Variants in GTF2F2 observed in about 807,000 individuals in gnomAD.
GTF2F2 encodes the protein ATP-dependent helicase GTF2F2.
GTF2F2 carries 23 observed loss-of-function variants against 42.2 expected under a neutral mutation model. The ratio of observed to expected loss-of-function variants is 0.55; its 90% CI spans 0.39 to 0.77. GTF2F2 has a LOEUF of 0.77. Among genes scored for constraint, GTF2F2 ranks in the 30% least tolerant of loss-of-function variants. The pLI is 0.00. For synonymous variants in GTF2F2, 105 were observed against 100.8 expected, an observed-to-expected ratio of 1.04 and a Z score of -0.25; for missense variants, 261 against 287.2, an observed-to-expected ratio of 0.91 and a Z score of 0.66.
At chr13:45,272,480 C>T (rs561807254) in intron 7 of GTF2F2, among the ~76,000 whole-genome samples, 28 of 144,186 alleles carry the variant, frequency 1.9e-4, no homozygotes, top group African/African-American at 3.9e-4. Flanking sequence ...GAGTGGTTCA[C>T]GTGAGTAATC....
At chr13:45,182,487 C>A (rs1190837757) in intron 4 of GTF2F2, among the ~76,000 whole-genome samples, 1 of 152,088 alleles carries the variant, frequency 6.6e-6, no homozygotes, top group Admixed American at 6.5e-5. Flanking sequence ...TTTAAAATTG[C>A]TTGGTACTGT....
At chr13:45,265,788 G>T (rs1876537185) in intron 6 of GTF2F2, among the ~76,000 whole-genome samples, 1 of 152,070 alleles carries the variant, frequency 6.6e-6, no homozygotes, top group African/African-American at 2.4e-5. Context: ...GCTATTTGTG[G>T]AATAATTTAT....
chr13:45,131,920 A>AAAAAAAAG (rs1555263585), intron 1 of GTF2F2, among the ~76,000 whole-genome samples: 1 of 146,208 alleles, frequency 6.8e-6, no homozygotes, highest in Admixed American at 7.3e-5. Context: ...AAAAAAAAAA[A>AAAAAAAAG]AGAGAGAGAG....
intron 2 of GTF2F2, among the ~76,000 whole-genome samples, chr13:45,141,774 T>TA (rs1869939216): frequency 6.6e-6 from 1 of 152,180 alleles, no homozygotes; most frequent in South Asian, 2.1e-4. Context: ...TGGCCATGGG[T>TA]AACTGCTTGG....
At position 45,249,002 on chromosome 13, in the gene GTF2F2, T is replaced by C. The variant is rs116768167; in HGVS notation, c.387-3869T>C. Among the ~76,000 whole-genome samples the C allele has an allele frequency of 6.0e-3, 914 of 152,322 alleles. 11 individuals are homozygous for C. The highest frequency in any genetic ancestry group is 0.021 in the African/African-American group (881 of 41,574). On this transcript the variant is annotated intron_variant, in intron 5 of 7. Coordinates refer to ENST00000340473, the MANE Select transcript of GTF2F2 (RefSeq NM_004128.3). ...TAGTTTGTTTGGAAATATGTGGTGC[T>C]TTACGAACCACATATTTCCAAATTA...
intron 5 of GTF2F2, among the ~76,000 whole-genome samples, chr13:45,234,961 C>T (rs900550044): frequency 1.4e-4 from 20 of 147,260 alleles, no homozygotes; most frequent in African/African-American, 4.0e-4. Context: ...GGGAGAATCG[C>T]CTGAACCCAG....
At chr13:45,231,316 C>A (rs1874669830) in intron 5 of GTF2F2, among the ~76,000 whole-genome samples, 1 of 152,122 alleles carries the variant, frequency 6.6e-6, no homozygotes, top group Non-Finnish European at 1.5e-5. Context: ...CCATATTGGC[C>A]AGGCTGGTCT....
chr13:45,252,833 A>G, intron 5 of GTF2F2, 38 bp from the exon 6 acceptor site: 1 of 816,840 alleles, frequency 1.2e-6, no homozygotes, highest in South Asian at 1.7e-5. Flanking sequence ...TCACTCTGCT[A>G]AACAAGAGTG....
intron 5 of GTF2F2, among the ~76,000 whole-genome samples, chr13:45,245,347 A>G (rs1875532176): frequency 6.6e-6 from 1 of 151,566 alleles, no homozygotes; most frequent in African/African-American, 2.4e-5. Flanking sequence ...GTGTTTGGTT[A>G]CATGTATAAT....
At chr13:45,269,365 A>G (rs1010240189) in intron 7 of GTF2F2, among the ~76,000 whole-genome samples, 1 of 152,214 alleles carries the variant, frequency 6.6e-6, no homozygotes, top group Non-Finnish European at 1.5e-5. Context: ...GCCAGTGCCA[A>G]GAAAGTGTGG....
intron 4 of GTF2F2, among the ~76,000 whole-genome samples, chr13:45,173,696 C>T (rs1051367869): frequency 6.9e-6 from 1 of 145,462 alleles, no homozygotes; most frequent in Non-Finnish European, 1.5e-5. Flanking sequence ...TGGCTCACTG[C>T]AAGCTCCGCC....
intron 6 of GTF2F2, among the ~76,000 whole-genome samples, chr13:45,255,333 A>G (rs1298457557): frequency 6.6e-6 from 1 of 152,210 alleles, no homozygotes; most frequent in Non-Finnish European, 1.5e-5. Flanking sequence ...GAGTGGAACA[A>G]TGAAATTTAA....
chr13:45,210,097 T>C (rs549395890), intron 5 of GTF2F2, among the ~76,000 whole-genome samples: 5 of 152,222 alleles, frequency 3.3e-5, no homozygotes, highest in Non-Finnish European at 7.3e-5. Context: ...GAAGTTCTTT[T>C]AAAATCTAAG....
At chr13:45,223,001 G>A (rs1020293065) in intron 5 of GTF2F2, among the ~76,000 whole-genome samples, 1 of 152,122 alleles carries the variant, frequency 6.6e-6, no homozygotes, top group African/African-American at 2.4e-5. Flanking sequence ...AAAAGTCATA[G>A]TGCAGTATTC....
chr13:45,235,041 CAAAAAAAA>C lies in GTF2F2; in HGVS notation c.387-17807_387-17800del, dbSNP rs61077504. ...GCCTGGGCAACAAGAGCGGGAAACT[CAAAAAAAA>C]AAAAAAAAAAAAAAAAAAAAAAGGT... On this transcript the variant is annotated intron_variant, in intron 5 of 7. Transcript: ENST00000340473. Among the ~76,000 whole-genome samples, 6 of 43,718 alleles carry C rather than the reference CAAAAAAAA, an allele frequency of 1.4e-4. No individual in the cohort carries two copies. The Middle Eastern group carries it at 0.088, about 643-fold the overall frequency. 28.7% of individuals were successfully genotyped at this position (43,718 alleles called of 152,430 possible).
At chr13:45,205,740 G>T (rs754125791) in intron 4 of GTF2F2, among the ~76,000 whole-genome samples, 1 of 152,024 alleles carries the variant, frequency 6.6e-6, no homozygotes, top group Non-Finnish European at 1.5e-5. Flanking sequence ...GCATGGTCTC[G>T]ATCTCCTGAC....
At chr13:45,142,795 A>G (rs1869995336) in intron 2 of GTF2F2, among the ~76,000 whole-genome samples, 1 of 152,226 alleles carries the variant, frequency 6.6e-6, no homozygotes, top group Non-Finnish European at 1.5e-5. Context: ...TGAATTAACT[A>G]AATTCACTGT....
chr13:45,189,393 T>C (rs1278852812), intron 4 of GTF2F2, among the ~76,000 whole-genome samples: 2 of 152,216 alleles, frequency 1.3e-5, no homozygotes, highest in African/African-American at 4.8e-5. Flanking sequence ...AGCAGCATGA[T>C]TTATAATCCT....
In GTF2F2 at chr13:45,238,480, G is replaced by C. The variant is rs1593510457; in HGVS notation, c.387-14391G>C. ...GTGATTAACAGGAAAAGCATTAGCA[G>C]TAAGTTTCTTCTATCACATGCTGTC... On this transcript the variant is annotated intron_variant, in intron 5 of 7. Transcript: ENST00000340473. Among the ~76,000 whole-genome samples, 4 of 152,226 alleles carry C rather than the reference G, an allele frequency of 2.6e-5. No individual in the cohort carries two copies. In the South Asian group the frequency reaches 8.3e-4, roughly 32 times the overall value.
Sources: allele counts gnomAD v4.1 joint callset (sites outside exome capture counted in the v4.1 genomes callset), GRCh38; gene constraint gnomAD v4.1.1; transcripts MANE v1.5; gene names NCBI Gene and HGNC (gene_info 2026-07-23, HGNC 2026-07-21).